Variants in CFAP298 observed in about 807,000 individuals in gnomAD.
CFAP298 encodes cilia and flagella associated protein 298.
A neutral mutation model predicts 41.0 loss-of-function variants in CFAP298; 38 were observed. The ratio of observed to expected loss-of-function variants is 0.93; its 90% confidence interval spans 0.72 to 1.22. The LOEUF (loss-of-function observed/expected upper bound fraction) is 1.22, where lower values mean the gene tolerates loss of function less well. Ranked by LOEUF, CFAP298 falls within the 50% of genes most tolerant of loss-of-function variation. The pLI is 0.00. For synonymous variants in CFAP298, 137 were observed against 135.3 expected (o/e 1.01, Z -0.09); for missense variants, 348 against 360.3 (o/e 0.97, Z 0.28).
At chr21:32,609,686 A>T in intron 2 of CFAP298, 152 bp downstream of exon 2, 1 of 640,088 alleles carries the variant, frequency 1.6e-6, no homozygotes, top group Non-Finnish European at 2.6e-6. Flanking sequence ...AATCGCTTGA[A>T]CCTGGAAGAC....
At chr21:32,611,190 G>A (rs1357339459) in intron 1 of CFAP298, among the ~76,000 whole-genome samples, 3 of 151,092 alleles carry the variant, frequency 2.0e-5, no homozygotes, top group Non-Finnish European at 4.4e-5. Flanking sequence ...TGTAATCTCA[G>A]ATACTTGGGA....
chr21:32,607,615 A>T, intron 3 of CFAP298, 34 bp downstream of exon 3: 1 of 1,270,346 alleles, frequency 7.9e-7, no homozygotes. Flanking sequence ...AAAAAAACCC[A>T]ACAAGTTTTA....
Position 32,607,629 on chromosome 21 carries a change from CAT to C in CFAP298, c.375+18_375+19del, listed in dbSNP as rs761917396. 6.5e-6 allele frequency: 9 copies of C among 1,395,058 alleles called. No individual in the cohort carries two copies. Among genetic ancestry groups the C allele is most frequent in the Non-Finnish European group, 8.9e-6 (9 of 1,013,064 alleles). 86.4% of individuals were successfully genotyped at this position (1,395,058 alleles called of 1,614,324 possible). A position where few individuals can be genotyped will look rare whatever the true frequency, so the allele number is the denominator to read the frequency against. ...AAAAAAAACCCAACAAGTTTTAGTGCATCATTTAAAAAAGCCAACCTTAGATA... is the reference window on the plus strand; with the variant it reads ...AAAAAAAACCCAACAAGTTTTAGTGCCATTTAAAAAAGCCAACCTTAGATA... On this transcript the variant is annotated intron_variant, in intron 3 of 6. Transcript: ENST00000290155.
intron 1 of CFAP298, 65 bp from the exon 2 acceptor site, chr21:32,610,070 C>T (rs1238869557): frequency 7.0e-7 from 1 of 1,430,838 alleles, no homozygotes; most frequent in African/African-American, 1.4e-5. Flanking sequence ...AATGTAAGCT[C>T]CAAAGAGTCA....
At chr21:32,604,091 C>A in intron 4 of CFAP298, 34 bp downstream of exon 4, 1 of 1,602,236 alleles carries the variant, frequency 6.2e-7, no homozygotes, top group Non-Finnish European at 8.5e-7. Flanking sequence ...GCCAGGAACT[C>A]AACCTCCAGA....
chr21:32,607,974 C>T (rs1487367389), intron 2 of CFAP298, among the ~76,000 whole-genome samples: 1 of 152,130 alleles, frequency 6.6e-6, no homozygotes, highest in East Asian at 1.9e-4. Context: ...GTTGGGTAAA[C>T]AGGGCCGGTG....
chr21:32,611,822 CCCT>C (rs2039007277), intron 1 of CFAP298, among the ~76,000 whole-genome samples: 1 of 152,142 alleles, frequency 6.6e-6, no homozygotes, highest in Admixed American at 6.5e-5. Context: ...CCTTTCGGCT[CCCT>C]CCTCCCTCCC....
rs769669889 is a variant in CFAP298 at position 32,602,327 on chromosome 21, C to G, written c.707G>C (p.Ser236Thr). Residue 236 changes from serine (S) to threonine (T), a missense_variant, in exon 6 of 7, where the codon AGT becomes ACT. Physicochemically the swap from Ser to Thr is moderately conservative, Grantham distance 58. Coordinates refer to ENST00000290155, the MANE Select transcript of CFAP298 (RefSeq NM_021254.4). Reference sequence around the variant, plus strand: ...CAGCATCAGCTGCTTCTGCTCCTCACTGCTAATAATAGGCTCTCGGGCTGG... The same window carrying G: ...CAGCATCAGCTGCTTCTGCTCCTCAGTGCTAATAATAGGCTCTCGGGCTGG... ...GAPAREPIIS[S>T]EEQKQLMLYY... 3.7e-6 allele frequency: 6 copies of G among 1,614,032 alleles called. No homozygotes were observed. In the South Asian group the frequency reaches 6.6e-5, roughly 18 times the overall value.
At chr21:32,602,421 A>G (rs1255225588) in intron 5 of CFAP298, 54 bp from the exon 6 acceptor site, 1 of 1,574,298 alleles carries the variant, frequency 6.4e-7, no homozygotes, top group East Asian at 2.2e-5. Context: ...TAGAGTGACA[A>G]TCCTGAAGTT....
chr21:32,610,290 A>T (rs1210871431), intron 1 of CFAP298, among the ~76,000 whole-genome samples: 1 of 152,104 alleles, frequency 6.6e-6, no homozygotes, highest in Admixed American at 6.5e-5. Context: ...ATCTCAGCTC[A>T]CTGCAGCATT....
intron 1 of CFAP298, 26 bp downstream of exon 1, chr21:32,612,079 G>A (rs1024833233): frequency 4.5e-6 from 7 of 1,539,290 alleles, no homozygotes; most frequent in Non-Finnish European, 6.1e-6. Context: ...CGATCTGTCC[G>A]GGATGGGCCC....
intron 2 of CFAP298, 45 bp downstream of exon 2, chr21:32,609,793 T>A: frequency 6.5e-7 from 1 of 1,543,900 alleles, no homozygotes; most frequent in Non-Finnish European, 8.8e-7. Flanking sequence ...TTTTCATACT[T>A]ATGCCTGTAT....
At chr21:32,609,441 T>C (rs2038940060) in intron 2 of CFAP298, among the ~76,000 whole-genome samples, 1 of 152,202 alleles carries the variant, frequency 6.6e-6, no homozygotes, top group African/African-American at 2.4e-5. Context: ...GAGTACAGTA[T>C]TTTGTAAGTC....
At position 32,609,896 on chromosome 21, in the gene CFAP298, G is replaced by A. The variant is rs755185617; in HGVS notation, c.249C>T (p.Cys83=). ...TAAACACTGCACCTCCGCTGGGTAC[G>A]CATTTTTCACCCCATTCATCCTTCA... The part of the protein sequence containing the change: ...LKLKDEWGEK[C]VPSGGAVFKK... The change falls in exon 2 of 7, where the codon TGC becomes TGT. Residue 83 remains cysteine (C), a synonymous_variant. Coordinates refer to ENST00000290155, the MANE Select transcript of CFAP298 (RefSeq NM_021254.4). 3.1e-6 allele frequency: 5 copies of A among 1,614,080 alleles called. No individual in the cohort carries two copies. Among genetic ancestry groups the A allele is most frequent in the South Asian group, 2.2e-5 (2 of 91,066 alleles).
At chr21:32,603,819 T>C (rs1232814250) in intron 4 of CFAP298, among the ~76,000 whole-genome samples, 1 of 151,974 alleles carries the variant, frequency 6.6e-6, no homozygotes, top group Non-Finnish European at 1.5e-5. Context: ...TGGGTAGAAA[T>C]AGGAAGAAAT....
In CFAP298 at chr21:32,612,354, G is replaced by T; in HGVS notation, c.-111C>A. 6.9e-7 allele frequency: 1 copy of T among 1,439,508 alleles called. No homozygotes were observed. The highest frequency in any genetic ancestry group is 2.8e-5 in the Admixed American group (1 of 35,656). 89.2% of individuals were successfully genotyped at this position (1,439,508 alleles called of 1,614,324 possible). ...CAGCAGCTGCGACGCACTAACAGCC[G>T]CTCACAGTCCGGAATCCCACGCTCC... On this transcript the variant is annotated 5_prime_UTR_variant, in exon 1 of 7. Transcript: ENST00000290155.
At chr21:32,602,151 G>T in intron 6 of CFAP298, 121 bp downstream of exon 6, 1 of 1,009,276 alleles carries the variant, frequency 9.9e-7, no homozygotes, top group Non-Finnish European at 1.5e-6. Context: ...GCAGACAGAA[G>T]CTCTAGAAAG....
chr21:32,606,160 G>A (rs189008305), intron 3 of CFAP298, among the ~76,000 whole-genome samples: 176 of 152,322 alleles, frequency 1.2e-3, no homozygotes, highest in Non-Finnish European at 2.0e-3. Flanking sequence ...AACAGAGAGG[G>A]AGAGGAGTGA....
Position 32,603,200 on chromosome 21 carries a change from C to T in CFAP298, c.627G>A (p.Gly209=). ...CGATAATTTTGGTTTTTTCATTCTT[C>T]CCCACGTAGTCTGAAAGCTTCTTCG... ...RRTKKLSDYV[G]KNEKTKIIAK... Residue 209 remains glycine (G), a synonymous_variant, in exon 5 of 7, where the codon GGG becomes GGA. Coordinates refer to ENST00000290155, the MANE Select transcript of CFAP298 (RefSeq NM_021254.4). 3.1e-6 allele frequency: 5 copies of T among 1,614,166 alleles called. No homozygotes were observed. The highest frequency in any genetic ancestry group is 4.2e-6 in the Non-Finnish European group (5 of 1,179,994).
Sources: allele counts gnomAD v4.1 joint callset (sites outside exome capture counted in the v4.1 genomes callset), GRCh38; gene constraint gnomAD v4.1.1; transcripts MANE v1.5; gene names NCBI Gene and HGNC (gene_info 2026-07-23, HGNC 2026-07-21).